Variants in KRT34 observed in about 807,000 individuals in gnomAD.
KRT34 encodes keratin, type I cuticular Ha4.
KRT34 carries 31 observed loss-of-function variants against 41.7 expected under a neutral mutation model. The ratio of observed to expected loss-of-function variants is 0.74; its 90% confidence interval spans 0.56 to 1.00. The LOEUF is 1.00. KRT34 is among the 50% of genes least tolerant of loss of function. The pLI is 0.00. For missense variants in KRT34, 523 were observed against 500.3 expected, an observed-to-expected ratio of 1.05 and a Z score of -0.43; for synonymous variants, 224 against 212.9, an observed-to-expected ratio of 1.05 and a Z score of -0.45.
chr17:41,381,617 G>A, intron 2 of KRT34, 96 bp downstream of exon 2: 1 of 1,083,736 alleles, frequency 9.2e-7, no homozygotes, highest in Non-Finnish European at 1.4e-6. Flanking sequence ...AGCCCTAGGA[G>A]GAGAAATAGA....
Position 41,377,948 on chromosome 17 carries a change from A to T in KRT34, c.*111T>A. The T allele has an allele frequency of 1.4e-6, 1 of 734,662 alleles. No individual in the cohort carries two copies. The highest frequency in any genetic ancestry group is 2.4e-6 in the Non-Finnish European group (1 of 416,510). The allele number at this position is 734,662 out of a possible 1,614,324, so 45.5% of individuals were successfully genotyped here. A position where few individuals can be genotyped will look rare whatever the true frequency, so the allele number is the denominator to read the frequency against. ...GCATTCTAGAAATAACATAGAGGCA[A>T]GATGAGGTTTCTTGATGTCAGCTGA... On this transcript the variant is annotated 3_prime_UTR_variant, in exon 7 of 7. Coordinates refer to ENST00000394001, the MANE Select transcript of KRT34 (RefSeq NM_001386014.1).
chr17:41,382,471 G>T (rs541556438), upstream of KRT34: 7 of 1,012,754 alleles, frequency 6.9e-6, no homozygotes, highest in African/African-American at 9.6e-5. Context: ...ATTCCATTCA[G>T]CTTATGTCAC....
In KRT34 at chr17:41,378,102, GAGTTGCCACTAGC is replaced by G. The variant is rs1162403461; in HGVS notation, c.1129_1141del (p.Ala377ProfsTer39). 7.4e-6 allele frequency: 12 copies of G among 1,613,952 alleles called. No individual in the cohort carries two copies. The highest frequency in any genetic ancestry group is 1.0e-5 in the Non-Finnish European group (12 of 1,179,998). ...TTGAGAGGTGCCACAGGGTCCACAG[GAGTTGCCACTAGC>G]ATTGGTGGTGGCGCATGGGTTGCAG... is the stretch of plus-strand genomic sequence containing the variant. On this transcript the variant is annotated frameshift_variant, in exon 7 of 7. Transcript: ENST00000394001. LOFTEE classifies it high-confidence loss of function.
Position 41,379,335 on chromosome 17 carries a change from G to A in KRT34, c.876+18C>T, listed in dbSNP as rs759556317. On this transcript the variant is annotated intron_variant, in intron 5 of 6. Coordinates refer to ENST00000394001, the MANE Select transcript of KRT34 (RefSeq NM_001386014.1). ...CCCAAGTTCCCATCGCTCACCAGCA[G>A]GTCTGAACAATACACACCAGGTTGT... 1.9e-6 allele frequency: 3 copies of A among 1,613,222 alleles called. No homozygotes were observed. The highest frequency in any genetic ancestry group is 2.2e-5 in the East Asian group (1 of 44,888).
Position 41,379,628 on chromosome 17 carries a change from T to G in KRT34, c.692A>C (p.Gln231Pro). The change falls in exon 4 of 7, where the codon CAG (glutamine) becomes CCG (proline). Residue 231 changes from glutamine (Q) to proline (P), a missense_variant. Transcript: ENST00000394001. ...LNQVLNETRS[Q>P]YEALVEINRR... ...GTTAATTTCCACCAGAGCCTCATAC[T>G]GACTCCTGGTCTCGTTCAGGACCTG... The G allele has an allele frequency of 6.2e-7, 1 of 1,614,176 alleles. No homozygotes were observed. The highest frequency in any genetic ancestry group is 8.5e-7 in the Non-Finnish European group (1 of 1,179,978).
chr17:41,377,683 T>G lies in KRT34; in HGVS notation c.*376A>C, dbSNP rs111825132. 5.6e-4 allele frequency: 119 copies of G among 212,894 alleles called. No homozygotes were observed. The highest frequency in any genetic ancestry group is 2.5e-3 in the African/African-American group (113 of 44,688). 13.2% of individuals were successfully genotyped at this position (212,894 alleles called of 1,614,324 possible). ...AGAAACATTTATTATGCCAGAGAAA[T>G]GAAGTTTATTGGGAAGTAAATGAAG... On this transcript the variant is annotated 3_prime_UTR_variant, in exon 7 of 7. Transcript: ENST00000394001.
Position 41,377,734 on chromosome 17 carries a change from C to T in KRT34, c.*325G>A. The T allele has an allele frequency of 3.4e-6, 1 of 298,052 alleles. No homozygotes were observed. Among genetic ancestry groups the T allele is most frequent in the Non-Finnish European group, 6.2e-6 (1 of 160,334 alleles). The allele number at this position is 298,052 out of a possible 1,614,324, so 18.5% of individuals were successfully genotyped here. A position where few individuals can be genotyped will look rare whatever the true frequency, so the allele number is the denominator to read the frequency against. ...TCTCCTCCTTGCATTCCAGAGAATG[C>T]CAAAGAAAAAAGGAAAACAGGAAAT... is the stretch of plus-strand genomic sequence containing the variant. On this transcript the variant is annotated 3_prime_UTR_variant, in exon 7 of 7. Transcript: ENST00000394001.
In KRT34 at chr17:41,381,891, C is replaced by T. The variant is rs770442215; in HGVS notation, c.348+8G>A. The T allele has an allele frequency of 6.2e-7, 1 of 1,613,558 alleles. No individual in the cohort carries two copies. Among genetic ancestry groups the T allele is most frequent in the Non-Finnish European group, 8.5e-7 (1 of 1,179,568 alleles). On this transcript the variant is annotated splice_region_variant and intron_variant, in intron 1 of 6. Transcript: ENST00000394001. ...GCTGCTGGCCCCCCATATGGCCAAC[C>T]CCCTCACCTTCTGCTGGAGCTCCTC...
chr17:41,382,481 C>T, upstream of KRT34: 2 of 914,650 alleles, frequency 2.2e-6, no homozygotes, highest in East Asian at 2.6e-5. Context: ...GCTTATGTCA[C>T]ACCAGGCTCT....
At chr17:41,379,980 G>C (rs1173427491) in intron 3 of KRT34, among the ~76,000 whole-genome samples, 1 of 152,128 alleles carries the variant, frequency 6.6e-6, no homozygotes, top group African/African-American at 2.4e-5. Flanking sequence ...ACTAAAAGGG[G>C]CCGGGCACAG....
upstream of KRT34, chr17:41,382,395 G>T (rs1319793822): frequency 2.5e-6 from 4 of 1,580,030 alleles, no homozygotes; most frequent in Non-Finnish European, 3.5e-6. Context: ...TAATGCTTCA[G>T]CTAATTTTTC....
At position 41,378,061 on chromosome 17, in the gene KRT34, A is replaced by G; in HGVS notation, c.1183T>C (p.Ter395ArgextTer14). The change falls in exon 7 of 7, where the codon TGA becomes CGA. Residue 395 changes from the stop codon to arginine, a stop_lost. Coordinates refer to ENST00000394001, the MANE Select transcript of KRT34 (RefSeq NM_001386014.1). ...TCTTCAAAGAGGATACAAGCTTTTC[A>G]ATTACAGCAACCCTTTTGAGAGGTG... ...CGTSQKGCCN[*>R] 1 of 1,611,058 alleles carries G rather than the reference A, an allele frequency of 6.2e-7. No homozygotes were observed. The highest frequency in any genetic ancestry group is 8.5e-7 in the Non-Finnish European group (1 of 1,177,348).
Position 41,378,952 on chromosome 17 carries a change from T to G in KRT34, c.1097+4A>C, listed in dbSNP as rs750229246. On this transcript the variant is annotated splice_donor_region_variant and intron_variant, in intron 6 of 6. Transcript: ENST00000394001. ...TTCCCAGACATTATTTGCCCCATAC[T>G]CACTTGCAGTCCTCACTCTCCAGGA... 1 of 1,614,068 alleles carries G rather than the reference T, an allele frequency of 6.2e-7. No individual in the cohort carries two copies. Among genetic ancestry groups the G allele is most frequent in the Non-Finnish European group, 8.5e-7 (1 of 1,179,942 alleles).
chr17:41,378,292 G>C (rs2017883789), intron 6 of KRT34, 146 bp from the exon 7 acceptor site: 1 of 677,802 alleles, frequency 1.5e-6, no homozygotes, highest in Non-Finnish European at 2.6e-6. Context: ...TTTTGTTTTT[G>C]AGACAGGGTC....
At chr17:41,381,626 G>C (rs1351944728) in intron 2 of KRT34, 87 bp downstream of exon 2, 7 of 1,167,240 alleles carry the variant, frequency 6.0e-6, no homozygotes, top group South Asian at 1.3e-5. Flanking sequence ...AGGAGAAATA[G>C]AGAGAAATGG....
intron 3 of KRT34, 57 bp from the exon 4 acceptor site, chr17:41,379,788 T>C: frequency 2.0e-6 from 3 of 1,518,482 alleles, no homozygotes; most frequent in Non-Finnish European, 2.7e-6. Context: ...ATTTTCCTGC[T>C]CCAGGGAAAT....
chr17:41,382,288 G>A lies in KRT34; in HGVS notation c.-42C>T, dbSNP rs1186066117. 3 of 1,613,148 alleles carry A rather than the reference G, an allele frequency of 1.9e-6. No individual in the cohort carries two copies. The highest frequency in any genetic ancestry group is 2.2e-5 in the East Asian group (1 of 44,896). On this transcript the variant is annotated 5_prime_UTR_variant, in exon 1 of 7. Transcript: ENST00000394001. Reference sequence around the variant, plus strand: ...ATGGAAAAGCAGGTAAGCTGCTGGAGGTGGATGTGGGCAGGTTTGAGTCTC... The same window carrying A: ...ATGGAAAAGCAGGTAAGCTGCTGGAAGTGGATGTGGGCAGGTTTGAGTCTC...
chr17:41,380,225 C>T (rs545011794), intron 3 of KRT34, among the ~76,000 whole-genome samples: 1 of 151,272 alleles, frequency 6.6e-6, no homozygotes, highest in South Asian at 2.1e-4. Context: ...CGCCACTGCA[C>T]TCCAGCCTGG....
chr17:41,383,477 G>A (rs2018037407), upstream of KRT34, among the ~76,000 whole-genome samples: 1 of 152,172 alleles, frequency 6.6e-6, no homozygotes, highest in Admixed American at 6.5e-5. Flanking sequence ...TAAAGCAACA[G>A]CCTCTCTAAA....
Sources: gnomAD v4.1 joint callset for allele counts (sites outside exome capture counted in the v4.1 genomes callset) on GRCh38, gnomAD v4.1.1 for gene constraint, MANE v1.5 for transcripts, NCBI Gene and HGNC (gene_info 2026-07-23, HGNC 2026-07-21) for gene names.